Variants in BSDC1 observed in about 807,000 individuals in gnomAD.
BSDC1 encodes BSD domain-containing protein 1.
In BSDC1, 29 loss-of-function variants were observed where a neutral mutation model predicts 56.0. That is an observed-to-expected ratio of 0.52 (90% CI 0.39 to 0.71). The LOEUF is 0.71. BSDC1 is among the 30% of genes least tolerant of loss of function. The pLI is 0.00. For synonymous variants in BSDC1, 210 were observed against 215.3 expected (o/e 0.98, Z 0.21); for missense variants, 477 against 548.5 (o/e 0.87, Z 1.30).
At chr1:32,391,686 G>A (rs1358732398) in intron 2 of BSDC1, among the ~76,000 whole-genome samples, 1 of 152,218 alleles carries the variant, frequency 6.6e-6, no homozygotes, top group African/African-American at 2.4e-5. Context: ...GCAGAGGAAA[G>A]CAGATGATAG....
chr1:32,382,208 CAGAG>C (rs10565822), intron 4 of BSDC1, among the ~76,000 whole-genome samples: 9 of 137,154 alleles, frequency 6.6e-5, no homozygotes, highest in Admixed American at 2.4e-4. Flanking sequence ...GTCTGGGCGA[CAGAG>C]AGAGACTCCA....
Position 32,378,611 on chromosome 1 carries a change from C to G in BSDC1, c.528+113G>C. On this transcript the variant is annotated intron_variant, in intron 6 of 10. Coordinates refer to ENST00000455895, the MANE Select transcript of BSDC1 (RefSeq NM_018045.8). This position sits in a 1 kb window ranked among gnomAD's most constrained non-coding sequence, Gnocchi z 5.2. ...ACACAGCTGGTCTGGCTCTATGGAG[C>G]CTCCCAGTGCTCTCCGGGCCAGATG... 2.6e-6 allele frequency: 2 copies of G among 767,018 alleles called. No individual in the cohort carries two copies. The highest frequency in any genetic ancestry group is 2.1e-6 in the Non-Finnish European group (1 of 483,776). The allele number at this position is 767,018 out of a possible 1,614,324, so 47.5% of individuals were successfully genotyped here.
At chr1:32,390,632 C>T (rs74066504) in intron 2 of BSDC1, among the ~76,000 whole-genome samples, 1,792 of 152,182 alleles carry the variant, frequency 0.012, 39 homozygotes, top group African/African-American at 0.041. Flanking sequence ...TAAAGCTGGC[C>T]GGGCATGGTG....
intron 9 of BSDC1, among the ~76,000 whole-genome samples, chr1:32,371,750 G>A (rs367861761): frequency 4.6e-5 from 7 of 151,972 alleles, no homozygotes; most frequent in South Asian, 2.1e-4. Flanking sequence ...CCTCAGCCCC[G>A]CTCCCACATT....
intron 2 of BSDC1, among the ~76,000 whole-genome samples, chr1:32,391,117 T>C (rs1344125964): frequency 1.3e-5 from 2 of 151,816 alleles, no homozygotes; most frequent in Non-Finnish European, 2.9e-5. Context: ...TGGAGAAGTA[T>C]GTGGAGACTT....
intron 5 of BSDC1, among the ~76,000 whole-genome samples, 180 bp from the exon 6 acceptor site, chr1:32,379,019 C>T (rs1395989956): frequency 6.6e-6 from 1 of 152,180 alleles, no homozygotes; most frequent in African/African-American, 2.4e-5. Flanking sequence ...GAGTGATCTC[C>T]AGAAGGGGCT....
At chr1:32,374,926 G>C (rs553330527) in intron 9 of BSDC1, 1 of 152,410 alleles carries the variant, frequency 6.6e-6, no homozygotes, top group East Asian at 1.9e-4. Flanking sequence ...GCCGAGGCAG[G>C]CAGATCACAA....
At chr1:32,394,370 G>T in intron 1 of BSDC1, 34 bp downstream of exon 1, 1 of 1,613,930 alleles carries the variant, frequency 6.2e-7, no homozygotes, top group South Asian at 1.1e-5. Flanking sequence ...GAGAATTCAG[G>T]CCCCAACGCC....
chr1:32,374,527 T>G (rs988868039), intron 9 of BSDC1, among the ~76,000 whole-genome samples: 1 of 152,222 alleles, frequency 6.6e-6, no homozygotes, highest in South Asian at 2.1e-4. Flanking sequence ...GTTCTATTTC[T>G]GAGTCAACCC....
At position 32,394,415 on chromosome 1, in the gene BSDC1, C is replaced by CT; in HGVS notation, c.-2dup. ...AACGACAAGCTCACCCTTCCGCCAT[C>CT]TTGCCTGCATGACATCACCACTATT... On this transcript the variant is annotated 5_prime_UTR_variant, in exon 1 of 11. Coordinates refer to ENST00000455895, the MANE Select transcript of BSDC1 (RefSeq NM_018045.8). The CT allele has an allele frequency of 1.2e-6, 2 of 1,614,232 alleles. No homozygotes were observed. The highest frequency in any genetic ancestry group is 1.7e-6 in the Non-Finnish European group (2 of 1,180,038).
intron 4 of BSDC1, 83 bp from the exon 5 acceptor site, chr1:32,381,351 C>T (rs1642473086): frequency 7.5e-7 from 1 of 1,339,820 alleles, no homozygotes; most frequent in African/African-American, 1.4e-5. Flanking sequence ...GATACTCAGT[C>T]AACCACAATC....
chr1:32,368,519 C>G lies in BSDC1; in HGVS notation c.1188G>C (p.Glu396Asp). The change falls in exon 10 of 11, where the codon GAG becomes GAC. Residue 396 changes from glutamate (E) to aspartate (D), a missense_variant. Coordinates refer to ENST00000455895, the MANE Select transcript of BSDC1 (RefSeq NM_018045.8). ...CAGTCATGTCCAAGTCAAAGTCTTT[C>G]TCCCAGTCCTCACTGATGTCCGTGC... ...GSSTDISEDW[E>D]KDFDLDMTEE... 6.2e-7 allele frequency: 1 copy of G among 1,614,192 alleles called. No homozygotes were observed. Among genetic ancestry groups the G allele is most frequent in the Non-Finnish European group, 8.5e-7 (1 of 1,180,042 alleles).
chr1:32,388,066 T>C (rs1305815102), intron 2 of BSDC1, among the ~76,000 whole-genome samples: 1 of 152,220 alleles, frequency 6.6e-6, no homozygotes, highest in Non-Finnish European at 1.5e-5. Context: ...GGTCTTGCCC[T>C]GTCTTGCTTC....
At chr1:32,389,040 T>C (rs181580257) in intron 2 of BSDC1, among the ~76,000 whole-genome samples, 1,521 of 151,590 alleles carry the variant, frequency 0.01, 16 homozygotes, top group Non-Finnish European at 0.017. Flanking sequence ...CTGCAACCTC[T>C]GCCTCCCGGG....
At chr1:32,393,029 A>ACT (rs760288274) in intron 2 of BSDC1, among the ~76,000 whole-genome samples, 3 of 152,204 alleles carry the variant, frequency 2.0e-5, no homozygotes, top group Non-Finnish European at 2.9e-5. Context: ...GCACCTGTGC[A>ACT]CTCCAGCCTA....
intron 4 of BSDC1, among the ~76,000 whole-genome samples, chr1:32,382,060 C>T (rs1642494680): frequency 1.3e-5 from 2 of 152,024 alleles, no homozygotes; most frequent in African/African-American, 4.8e-5. Context: ...AACCCCATCT[C>T]TACTAAAAAT....
intron 9 of BSDC1, among the ~76,000 whole-genome samples, chr1:32,373,891 C>T (rs1453586325): frequency 6.6e-6 from 1 of 152,208 alleles, no homozygotes; most frequent in Non-Finnish European, 1.5e-5. Context: ...AACTCCCCAT[C>T]TGCTCTGTTC....
chr1:32,390,587 A>C (rs529291015), intron 2 of BSDC1, among the ~76,000 whole-genome samples: 1 of 152,292 alleles, frequency 6.6e-6, no homozygotes, highest in African/African-American at 2.4e-5. Flanking sequence ...TGGGCTGTCT[A>C]GGATAGCTGT....
chr1:32,383,620 A>T (rs1642563427), intron 4 of BSDC1, among the ~76,000 whole-genome samples: 1 of 152,252 alleles, frequency 6.6e-6, no homozygotes, highest in Non-Finnish European at 1.5e-5. Flanking sequence ...TATACCAATA[A>T]GAAATCAGGG....
Sources: allele counts gnomAD v4.1 joint callset (sites outside exome capture counted in the v4.1 genomes callset), GRCh38; gene constraint gnomAD v4.1.1; non-coding constraint Gnocchi (gnomAD v3.1); transcripts MANE v1.5; gene names NCBI Gene and HGNC (gene_info 2026-07-23, HGNC 2026-07-21).